Variants in IGDCC4 observed in about 807,000 individuals in gnomAD.
The protein encoded by IGDCC4 is immunoglobulin superfamily DCC subclass member 4.
Under a neutral mutation model 116.6 loss-of-function variants are expected in IGDCC4, and 72 were observed. That is an observed-to-expected ratio of 0.62 (90% CI 0.51 to 0.75). The LOEUF (loss-of-function observed/expected upper bound fraction) is 0.75. Among genes scored for constraint, IGDCC4 ranks in the 30% least tolerant of loss-of-function variants. The probability of loss-of-function intolerance (pLI) is 0.00; values close to 1 mark genes in which losing one functional copy is unlikely to be tolerated. For synonymous variants in IGDCC4, 709 were observed against 719.9 expected (o/e 0.98, Z 0.24); for missense variants, 1,501 against 1,662.4 (o/e 0.90, Z 1.69).
In IGDCC4 at chr15:65,395,107, G is replaced by A. The variant is rs749258568; in HGVS notation, c.1563C>T (p.His521=). 37 of 1,611,756 alleles carry A rather than the reference G, an allele frequency of 2.3e-5. No homozygotes were observed. The African/African-American group carries it at 3.6e-4, about 16-fold the overall frequency. ...CAGAGGCCCTACCATCATCCAGTGT[G>A]TGCACCAGTGCTGGGGTGGAGGTGC... is the stretch of plus-strand genomic sequence containing the variant. ...ASRTSTPALV[H]TLDDVPSAAP... Residue 521 remains histidine, a synonymous_variant, in exon 8 of 20, where the codon CAC becomes CAT. Coordinates refer to ENST00000352385, the MANE Select transcript of IGDCC4 (RefSeq NM_020962.3).
intron 13 of IGDCC4, among the ~76,000 whole-genome samples, chr15:65,389,689 G>C (rs1223337891): frequency 1.3e-5 from 2 of 152,228 alleles, no homozygotes; most frequent in Non-Finnish European, 2.9e-5. Context: ...CATCTCCGAT[G>C]CATCTTTTCT....
intron 3 of IGDCC4, 84 bp downstream of exon 3, chr15:65,410,094 G>A (rs1175275265): frequency 2.6e-6 from 4 of 1,510,496 alleles, no homozygotes; most frequent in East Asian, 2.3e-5. Context: ...CAGCTACCTC[G>A]ACTCTAAGAA....
At chr15:65,408,011 C>A (rs145175166) in intron 3 of IGDCC4, among the ~76,000 whole-genome samples, 4 of 151,790 alleles carry the variant, frequency 2.6e-5, no homozygotes, top group Non-Finnish European at 5.9e-5. Context: ...TCAAGCGATC[C>A]GCCCGCCTTG....
Position 65,385,942 on chromosome 15 carries a change from G to A in IGDCC4, c.3069C>T (p.His1023=). The change falls in exon 18 of 20, where the codon CAC becomes CAT. Residue 1023 remains histidine, a synonymous_variant. Coordinates refer to ENST00000352385, the MANE Select transcript of IGDCC4 (RefSeq NM_020962.3). ...GCGGGGACCAGTCCTGGGGATGGGG[G>A]TGCACAAGGGACTCCAATTCATGGG... is the stretch of plus-strand genomic sequence containing the variant. ...PAAHELESLV[H]PHPQDWSPPP... is the part of the protein sequence containing the mutation. 1 of 1,607,350 alleles carries A rather than the reference G, an allele frequency of 6.2e-7. No homozygotes were observed. The highest frequency in any genetic ancestry group is 8.5e-7 in the Non-Finnish European group (1 of 1,177,438).
At chr15:65,388,004 A>AG (rs1322051134) in intron 16 of IGDCC4, among the ~76,000 whole-genome samples, 1 of 151,882 alleles carries the variant, frequency 6.6e-6, no homozygotes, top group African/African-American at 2.4e-5. Flanking sequence ...CCAGCACTTT[A>AG]GGGGGCCAAG....
At chr15:65,420,689 T>C (rs763015669) in intron 1 of IGDCC4, among the ~76,000 whole-genome samples, 2 of 151,550 alleles carry the variant, frequency 1.3e-5, no homozygotes, top group Non-Finnish European at 2.9e-5. Context: ...TTTAATCCAA[T>C]GATCTCAACT....
chr15:65,419,851 C>T (rs947762030), intron 1 of IGDCC4, among the ~76,000 whole-genome samples: 1 of 152,246 alleles, frequency 6.6e-6, no homozygotes, highest in African/African-American at 2.4e-5. Context: ...GTCCCAGTCC[C>T]TGACTCAAGA....
chr15:65,407,096 T>C (rs2140227169), intron 3 of IGDCC4, among the ~76,000 whole-genome samples: 1 of 152,296 alleles, frequency 6.6e-6, no homozygotes, highest in African/African-American at 2.4e-5. Context: ...CGCAGGTCGC[T>C]GGAGTCTGAC....
chr15:65,386,490 CAT>C, intron 17 of IGDCC4, 59 bp downstream of exon 17: 1 of 1,412,590 alleles, frequency 7.1e-7, no homozygotes, highest in African/African-American at 1.4e-5. Context: ...CCTGATGGCC[CAT>C]TCTGCAGCCC....
chr15:65,404,743 A>G (rs1046512576), intron 3 of IGDCC4, among the ~76,000 whole-genome samples: 4 of 152,238 alleles, frequency 2.6e-5, no homozygotes, highest in African/African-American at 9.6e-5. Context: ...CTATTGCTGC[A>G]GCCAATAGAG....
chr15:65,417,963 CT>C (rs1404800404), intron 1 of IGDCC4, among the ~76,000 whole-genome samples: 1 of 152,162 alleles, frequency 6.6e-6, no homozygotes, highest in Non-Finnish European at 1.5e-5. Flanking sequence ...TATGTCTTAG[CT>C]TTCTAAATCC....
intron 6 of IGDCC4, 25 bp downstream of exon 6, chr15:65,396,809 C>T: frequency 1.3e-6 from 2 of 1,552,934 alleles, no homozygotes; most frequent in Non-Finnish European, 1.7e-6. Context: ...CTAACCCGCT[C>T]CCTCCGCCCT....
chr15:65,385,869 C>T lies in IGDCC4; in HGVS notation c.3142G>A (p.Gly1048Ser), dbSNP rs2091451104. 2 of 1,612,864 alleles carry T rather than the reference C, an allele frequency of 1.2e-6. No individual in the cohort carries two copies. The highest frequency in any genetic ancestry group is 1.7e-6 in the Non-Finnish European group (2 of 1,180,038). The change falls in exon 18 of 20, where the codon GGC (glycine) becomes AGC (serine). Residue 1048 changes from glycine (G) to serine (S), a missense_variant. This residue lies in a region of IGDCC4 where 368 missense variants were observed against 355.6 expected (regional missense o/e 1.03). Coordinates refer to ENST00000352385, the MANE Select transcript of IGDCC4 (RefSeq NM_020962.3). ...TGACTCCGGCCTTCAGAAACACCGC[C>T]ACCCATAAGGCTGTGCACTTCAGCC... Reference protein sequence around the residue: ...DRAEVHSLMGGGVSEGRSHSK... With the variant: ...DRAEVHSLMGSGVSEGRSHSK...
At position 65,389,278 on chromosome 15, in the gene IGDCC4, A is replaced by T; in HGVS notation, c.2536+6T>A. 6.2e-7 allele frequency: 1 copy of T among 1,611,550 alleles called. No homozygotes were observed. The highest frequency in any genetic ancestry group is 8.5e-7 in the Non-Finnish European group (1 of 1,178,856). On this transcript the variant is annotated splice_donor_region_variant and intron_variant, in intron 14 of 19. Coordinates refer to ENST00000352385, the MANE Select transcript of IGDCC4 (RefSeq NM_020962.3). ...GGTTGGTGGCAAGGGGCTGGGAGCC[A>T]CTCACGGTCAGGCAGGGTGGAGCGC...
chr15:65,410,747 CCTGGAGGA>C (rs1435189722), intron 2 of IGDCC4: 1 of 505,038 alleles, frequency 2.0e-6, no homozygotes, highest in East Asian at 3.4e-5. Flanking sequence ...TGGCAGGCTC[CCTGGAGGA>C]CAGCACAAGC....
intron 8 of IGDCC4, 65 bp from the exon 9 acceptor site, chr15:65,394,613 G>A (rs1262912279): frequency 1.3e-6 from 2 of 1,488,304 alleles, no homozygotes; most frequent in Non-Finnish European, 1.8e-6. Context: ...CTCGGGAGCG[G>A]TCAGAGACTT....
chr15:65,404,944 C>T (rs2063025869), intron 3 of IGDCC4, among the ~76,000 whole-genome samples: 1 of 152,082 alleles, frequency 6.6e-6, no homozygotes, highest in African/African-American at 2.4e-5. Context: ...TCCAGCTATT[C>T]AGGAGGCTGA....
intron 3 of IGDCC4, among the ~76,000 whole-genome samples, chr15:65,409,901 A>T (rs1189298545): frequency 6.6e-6 from 1 of 152,156 alleles, no homozygotes; most frequent in African/African-American, 2.4e-5. Flanking sequence ...AGTCTCCACA[A>T]TAAAGCAAGT....
In IGDCC4 at chr15:65,395,885, C is replaced by A. The variant is rs747101966; in HGVS notation, c.1276G>T (p.Glu426Ter). The A allele has an allele frequency of 6.3e-7, 1 of 1,588,394 alleles. No homozygotes were observed. Among genetic ancestry groups the A allele is most frequent in the African/African-American group, 1.3e-5 (1 of 74,490 alleles). Reference sequence around the variant, plus strand: ...CGCGTGGGGGCGCTGGGCAGCCCCTCGCGCACCACCACGGCCAGCGACGCG... The same window carrying A: ...CGCGTGGGGGCGCTGGGCAGCCCCTAGCGCACCACCACGGCCAGCGACGCG... The part of the protein sequence containing the change: ...AAASLAVVVR[E>*]GLPSAPTRVT... Residue 426 changes from glutamate (E) to a stop codon, truncating the protein, a stop_gained, in exon 7 of 20, where the codon GAG becomes TAG. Transcript: ENST00000352385. LOFTEE classifies it high-confidence loss of function.
Sources: allele counts gnomAD v4.1 joint callset (sites outside exome capture counted in the v4.1 genomes callset), GRCh38; gene constraint gnomAD v4.1.1; regional missense constraint gnomAD v4.1.1; transcripts MANE v1.5; gene names NCBI Gene and HGNC (gene_info 2026-07-23, HGNC 2026-07-21).